Variants in KLHL21 observed in about 807,000 individuals in gnomAD.
KLHL21 encodes the protein kelch like family member 21.
Under a neutral mutation model 44.1 loss-of-function variants are expected in KLHL21, and 42 were observed. That is an observed-to-expected ratio of 0.95 (90% CI 0.74 to 1.23). The LOEUF (loss-of-function observed/expected upper bound fraction) is 1.23, where lower values mean the gene tolerates loss of function less well. Ranked by LOEUF, KLHL21 falls within the 50% of genes most tolerant of loss-of-function variation. KLHL21 has a pLI of 0.00. For missense variants in KLHL21, 918 were observed against 889.1 expected, an observed-to-expected ratio of 1.03 and a Z score of -0.41; for synonymous variants, 524 against 411.6, an observed-to-expected ratio of 1.27 and a Z score of -3.31.
chr1:6,601,902 A>C lies in KLHL21; in HGVS notation c.916T>G (p.Cys306Gly), dbSNP rs1213078848. Reference protein sequence around the residue: ...QDCDELVTVDCYNPQTGQWRY... With the variant: ...QDCDELVTVDGYNPQTGQWRY... Reference sequence around the variant, plus strand: ...CACTGACCCGTCTGCGGGTTGTAGCAGTCGACAGTGACCAGCTCGTCACAG... The same window carrying C: ...CACTGACCCGTCTGCGGGTTGTAGCCGTCGACAGTGACCAGCTCGTCACAG... Residue 306 changes from cysteine to glycine, a missense_variant, in exon 1 of 4, where the codon TGC becomes GGC. By Grantham distance (159) the Cys-to-Gly change is radical. Coordinates refer to ENST00000377658, the MANE Select transcript of KLHL21 (RefSeq NM_014851.4). 1.9e-6 allele frequency: 3 copies of C among 1,566,264 alleles called. No homozygotes were observed. In the Admixed American group the frequency reaches 5.6e-5, roughly 29 times the overall value.
chr1:6,597,431 C>A (rs1360132723), intron 2 of KLHL21, among the ~76,000 whole-genome samples: 1 of 152,216 alleles, frequency 6.6e-6, no homozygotes, highest in Non-Finnish European at 1.5e-5. Flanking sequence ...CATCTCCACC[C>A]CCTCTTTGAA....
At chr1:6,601,166 A>C (rs1641010996) in intron 1 of KLHL21, among the ~76,000 whole-genome samples, 1 of 152,246 alleles carries the variant, frequency 6.6e-6, no homozygotes, top group Non-Finnish European at 1.5e-5. Flanking sequence ...GCCCAAACTC[A>C]GGCGGACTGG....
At chr1:6,601,185 T>A (rs906815231) in intron 1 of KLHL21, among the ~76,000 whole-genome samples, 2 of 152,212 alleles carry the variant, frequency 1.3e-5, no homozygotes, top group Admixed American at 6.5e-5. Context: ...GGGACCCGCC[T>A]ACCATGACTC....
At position 6,591,020 on chromosome 1, in the gene KLHL21, C is replaced by G. The variant is rs1420663201; in HGVS notation, c.*2345G>C. 3 of 398,540 alleles carry G rather than the reference C, an allele frequency of 7.5e-6. No homozygotes were observed. Among genetic ancestry groups the G allele is most frequent in the Non-Finnish European group, 1.3e-5 (3 of 226,084 alleles). The allele number at this position is 398,540 out of a possible 1,614,324, so 24.7% of individuals were successfully genotyped here. ...TCTGTACATGTAACATGTGGCCATG[C>G]CCAGGCATCCCAGCATCTATCCTGA... is the stretch of plus-strand genomic sequence containing the variant. On this transcript the variant is annotated 3_prime_UTR_variant, in exon 4 of 4. Coordinates refer to ENST00000377658, the MANE Select transcript of KLHL21 (RefSeq NM_014851.4).
At chr1:6,599,545 G>A in intron 1 of KLHL21, 93 bp from the exon 2 acceptor site, 2 of 1,334,830 alleles carry the variant, frequency 1.5e-6, no homozygotes, top group Non-Finnish European at 1.0e-6. Context: ...TCTGCCTTGG[G>A]AGGAATTAAC....
chr1:6,599,359 C>T lies in KLHL21; in HGVS notation c.1115G>A (p.Arg372His), dbSNP rs554094853. Residue 372 changes from arginine to histidine, a missense_variant, in exon 2 of 4, where the codon CGC (arginine) becomes CAC (histidine). Arg to His is a conservative substitution (Grantham distance 29). Transcript: ENST00000377658. ...WAEVAPMLKA[R>H]EYHSSSVLDG... The stretch of plus-strand genomic sequence containing the variant: ...CAGCACAGAGGAGCTGTGGTACTCG[C>T]GGGCCTTCAGCATGGGCGCCACCTC... 108 of 1,613,830 alleles carry T rather than the reference C, an allele frequency of 6.7e-5. No individual in the cohort carries two copies. Among genetic ancestry groups the T allele is most frequent in the South Asian group, 3.5e-4 (32 of 91,084 alleles).
intron 1 of KLHL21, among the ~76,000 whole-genome samples, chr1:6,600,032 A>T (rs1216219431): frequency 3.3e-5 from 5 of 151,978 alleles, no homozygotes; most frequent in South Asian, 2.1e-4. Flanking sequence ...ATATATATAT[A>T]TTCTTCTGCC....
chr1:6,592,752 C>A lies in KLHL21; in HGVS notation c.*613G>T, dbSNP rs1386454044. The A allele has an allele frequency of 6.6e-6, 1 of 152,616 alleles. No homozygotes were observed. The highest frequency in any genetic ancestry group is 2.4e-5 in the African/African-American group (1 of 41,460). The allele number at this position is 152,616 out of a possible 1,614,324, so 9.5% of individuals were successfully genotyped here. On this transcript the variant is annotated 3_prime_UTR_variant, in exon 4 of 4. Transcript: ENST00000377658. ...GGAGGCCCAGCATCTGATAGGACCA[C>A]ATCCTCTTCACCCTCCAAGCCCACA... is the stretch of plus-strand genomic sequence containing the variant.
intron 1 of KLHL21, among the ~76,000 whole-genome samples, chr1:6,600,203 A>G (rs1281319604): frequency 1.3e-5 from 2 of 151,942 alleles, no homozygotes; most frequent in Admixed American, 1.3e-4. Context: ...ATGCCGCCAC[A>G]CCCAGCTAAT....
chr1:6,597,216 C>CA (rs1366365306), intron 2 of KLHL21, among the ~76,000 whole-genome samples: 3 of 152,158 alleles, frequency 2.0e-5, no homozygotes, highest in African/African-American at 7.2e-5. Context: ...GAAAGGTCAG[C>CA]AGTGGGTGGG....
rs751824361 is a variant in KLHL21 at position 6,599,247 on chromosome 1, G to C, written c.1227C>G (p.Thr409=). 3.1e-6 allele frequency: 5 copies of C among 1,614,106 alleles called. No individual in the cohort carries two copies. Among genetic ancestry groups the C allele is most frequent in the Non-Finnish European group, 4.2e-6 (5 of 1,180,004 alleles). Residue 409 remains threonine (T), a synonymous_variant, in exon 2 of 4, where the codon ACC becomes ACG. Transcript: ENST00000377658. ...TDSWEALQPM[T]YPMDNCSTTA... is the part of the protein sequence containing the mutation. Reference sequence around the variant, plus strand: ...TGGTGGAGCAGTTGTCCATGGGGTAGGTCATGGGCTGCAGGGCCTCCCAGG... The same window carrying C: ...TGGTGGAGCAGTTGTCCATGGGGTACGTCATGGGCTGCAGGGCCTCCCAGG...
rs763561557 is a variant in KLHL21, at chr1:6,599,458, A to G, written c.1022-6T>C. On this transcript the variant is annotated splice_region_variant and splice_polypyrimidine_tract_variant and intron_variant, in intron 1 of 3. Transcript: ENST00000377658. ...CCGGGAGCCATCGGACCCACCTGCC[A>G]GGACGCATGACAGGCAGAAGATCAG... 1.1e-5 allele frequency: 17 copies of G among 1,594,058 alleles called. No homozygotes were observed. The highest frequency in any genetic ancestry group is 5.1e-5 in the Admixed American group (3 of 59,266).
rs1641022828 is a variant in KLHL21, at chr1:6,601,710, C to A, written c.1021+87G>T. 7.5e-6 allele frequency: 11 copies of A among 1,462,096 alleles called. No homozygotes were observed. The East Asian group carries it at 2.8e-4, about 37-fold the overall frequency. 90.6% of individuals were successfully genotyped at this position (1,462,096 alleles called of 1,614,324 possible). On this transcript the variant is annotated intron_variant, in intron 1 of 3. Coordinates refer to ENST00000377658, the MANE Select transcript of KLHL21 (RefSeq NM_014851.4). Reference sequence around the variant, plus strand: ...TCAGGTGCGCCCCTAGGATTCCAGGCTCTGTGCGCTTCCCCCGCGAATAGC... The same window carrying A: ...TCAGGTGCGCCCCTAGGATTCCAGGATCTGTGCGCTTCCCCCGCGAATAGC...
chr1:6,602,494 C>T lies in KLHL21; in HGVS notation c.324G>A (p.Pro108=), dbSNP rs752988796. 1 of 1,551,464 alleles carries T rather than the reference C, an allele frequency of 6.4e-7. No individual in the cohort carries two copies. The highest frequency in any genetic ancestry group is 8.7e-7 in the Non-Finnish European group (1 of 1,154,924). The change falls in exon 1 of 4, where the codon CCG becomes CCA. Residue 108 remains proline (P), a synonymous_variant. Coordinates refer to ENST00000377658, the MANE Select transcript of KLHL21 (RefSeq NM_014851.4). ...RVAVSGDNAE[P]LLRAADLLQF... The stretch of plus-strand genomic sequence containing the variant: ...GCAGCAGGTCGGCGGCGCGCAGCAG[C>T]GGCTCAGCGTTGTCGCCGCTTACCG...
Position 6,592,885 on chromosome 1 carries a change from C to T in KLHL21, c.*480G>A, listed in dbSNP as rs943866893. ...GCCAGGAGCTAGGGAGGCAGGCTCC[C>T]CACACCTCTGGACATGGAATTTGGG... On this transcript the variant is annotated 3_prime_UTR_variant, in exon 4 of 4. Transcript: ENST00000377658. 1.3e-5 allele frequency: 2 copies of T among 157,762 alleles called. No homozygotes were observed. Among genetic ancestry groups the T allele is most frequent in the African/African-American group, 2.4e-5 (1 of 41,710 alleles). The allele number at this position is 157,762 out of a possible 1,614,324, so 9.8% of individuals were successfully genotyped here. A position where few individuals can be genotyped will look rare whatever the true frequency, so the allele number is the denominator to read the frequency against.
intron 2 of KLHL21, among the ~76,000 whole-genome samples, chr1:6,598,597 A>G (rs950074054): frequency 6.6e-6 from 1 of 151,712 alleles, no homozygotes; most frequent in Non-Finnish European, 1.5e-5. Flanking sequence ...AACAAAAAAA[A>G]ACAGACCGGG....
rs1290687332 is a variant in KLHL21 at position 6,601,881 on chromosome 1, G to A, written c.937C>T (p.Gln313Ter). ...TVDCYNPQTG[Q>*]WRYLAEFPDH... ...GGGAACTCGGCCAGGTAGCGCCACT[G>A]ACCCGTCTGCGGGTTGTAGCAGTCG... The change falls in exon 1 of 4, where the codon CAG (glutamine) becomes TAG (stop). Residue 313 changes from glutamine (Q) to a stop codon, truncating the protein, a stop_gained. Coordinates refer to ENST00000377658, the MANE Select transcript of KLHL21 (RefSeq NM_014851.4). LOFTEE classifies it high-confidence loss of function. 1.0e-5 allele frequency: 16 copies of A among 1,571,906 alleles called. No homozygotes were observed. Among genetic ancestry groups the A allele is most frequent in the Non-Finnish European group, 1.3e-5 (15 of 1,159,570 alleles).
chr1:6,592,095 G>A lies in KLHL21; in HGVS notation c.*1270C>T, dbSNP rs975387860. The A allele has an allele frequency of 6.6e-6, 1 of 152,316 alleles. No homozygotes were observed. The highest frequency in any genetic ancestry group is 1.5e-5 in the Non-Finnish European group (1 of 68,118). 9.4% of individuals were successfully genotyped at this position (152,316 alleles called of 1,614,324 possible). A position where few individuals can be genotyped will look rare whatever the true frequency, so the allele number is the denominator to read the frequency against. ...GCCAGGCAGCCCTGTCAGGGGTCCT[G>A]GGACATATTAAGGCAACCAGCCACG... On this transcript the variant is annotated 3_prime_UTR_variant, in exon 4 of 4. Coordinates refer to ENST00000377658, the MANE Select transcript of KLHL21 (RefSeq NM_014851.4).
At chr1:6,593,938 C>T in intron 3 of KLHL21, 1 of 1,232,222 alleles carries the variant, frequency 8.1e-7, no homozygotes, top group South Asian at 3.1e-5. Context: ...TTCCTACGTT[C>T]TCTCTCAGAA....
Sources: gnomAD v4.1 joint callset for allele counts (sites outside exome capture counted in the v4.1 genomes callset) on GRCh38, gnomAD v4.1.1 for gene constraint, MANE v1.5 for transcripts, NCBI Gene and HGNC (gene_info 2026-07-23, HGNC 2026-07-21) for gene names.